Variants in EYA2 observed in about 807,000 individuals in gnomAD.
EYA2 encodes EYA transcriptional coactivator and phosphatase 2.
In EYA2, 31 loss-of-function variants were observed where a neutral mutation model predicts 69.2. That is an observed-to-expected ratio of 0.45 (90% CI 0.34 to 0.60). The LOEUF (loss-of-function observed/expected upper bound fraction) is 0.60, where lower values mean the gene tolerates loss of function less well. EYA2 is among the 20% of genes least tolerant of loss of function. The pLI is 0.02. For missense variants in EYA2, 622 were observed against 701.2 expected, an observed-to-expected ratio of 0.89 and a Z score of 1.28; for synonymous variants, 257 against 279.4, an observed-to-expected ratio of 0.92 and a Z score of 0.80.
intron 10 of EYA2, among the ~76,000 whole-genome samples, chr20:47,160,325 G>A (rs1490408423): frequency 6.6e-6 from 1 of 152,222 alleles, no homozygotes; most frequent in Non-Finnish European, 1.5e-5. Flanking sequence ...TTCTCCTGCA[G>A]TAGCACAAAA....
chr20:47,145,856 A>G (rs1001302752), intron 10 of EYA2, among the ~76,000 whole-genome samples: 2 of 151,968 alleles, frequency 1.3e-5, no homozygotes, highest in Non-Finnish European at 2.9e-5. Context: ...AGCTGAGATC[A>G]AGCCACTGTA....
chr20:46,984,063 T>G (rs1393932408), intron 1 of EYA2, among the ~76,000 whole-genome samples: 1 of 152,224 alleles, frequency 6.6e-6, no homozygotes, highest in Non-Finnish European at 1.5e-5. Flanking sequence ...ATTTTTGTTT[T>G]CTTCAATATG....
intron 9 of EYA2, among the ~76,000 whole-genome samples, chr20:47,119,256 G>C (rs2146554801): frequency 6.6e-6 from 1 of 152,298 alleles, no homozygotes. Flanking sequence ...ATTGTATTTG[G>C]GGTTGACTTT....
At chr20:47,130,011 G>A (rs1010160625) in intron 9 of EYA2, among the ~76,000 whole-genome samples, 9 of 147,052 alleles carry the variant, frequency 6.1e-5, no homozygotes, top group African/African-American at 2.3e-4. Context: ...TCACATGCAT[G>A]TCCCCCTCCA....
chr20:46,989,908 T>C (rs1981540642), intron 1 of EYA2, 93 bp from the exon 2 acceptor site: 3 of 649,400 alleles, frequency 4.6e-6, no homozygotes, highest in African/African-American at 3.5e-5. Flanking sequence ...GGTAATCAGT[T>C]GTAATATTTA....
chr20:47,156,121 CACACACATATATATATATAT>C (rs2033932356), intron 10 of EYA2, among the ~76,000 whole-genome samples: 1 of 24,398 alleles, frequency 4.1e-5, no homozygotes, highest in African/African-American at 3.2e-4. Flanking sequence ...CACACACACA[CACACACATATATATATATAT>C]ATATATATAT....
intron 1 of EYA2, among the ~76,000 whole-genome samples, chr20:46,898,324 C>T (rs1983915221): frequency 6.8e-6 from 1 of 146,368 alleles, no homozygotes; most frequent in African/African-American, 2.5e-5. Flanking sequence ...AGTTGGTAGA[C>T]TGTGCTCAAA....
intron 10 of EYA2, among the ~76,000 whole-genome samples, chr20:47,168,702 G>T (rs1193785109): frequency 2.0e-5 from 3 of 152,192 alleles, no homozygotes; most frequent in Non-Finnish European, 2.9e-5. Flanking sequence ...CTAAGCAGAT[G>T]TAGGCAGGAG....
At chr20:47,010,100 G>A (rs1982964022) in intron 4 of EYA2, among the ~76,000 whole-genome samples, 1 of 152,146 alleles carries the variant, frequency 6.6e-6, no homozygotes, top group Non-Finnish European at 1.5e-5. Flanking sequence ...GCTGCAATCA[G>A]CATCTTTGTG....
chr20:46,973,535 T>A (rs963674045), intron 1 of EYA2, among the ~76,000 whole-genome samples: 2 of 152,104 alleles, frequency 1.3e-5, no homozygotes, highest in African/African-American at 4.8e-5. Context: ...TAATAGAAAA[T>A]CTCCATAGTT....
At chr20:46,896,415 A>G (rs201379491) in intron 1 of EYA2, among the ~76,000 whole-genome samples, 1 of 151,900 alleles carries the variant, frequency 6.6e-6, no homozygotes, top group Non-Finnish European at 1.5e-5. Flanking sequence ...AAAAAAAAAA[A>G]GAGGTACACA....
intron 9 of EYA2, among the ~76,000 whole-genome samples, chr20:47,133,706 C>T (rs1206828): frequency 0.021 from 3,210 of 152,242 alleles, 103 homozygotes; most frequent in African/African-American, 0.072. Context: ...GCACAATCTT[C>T]CGGGAGTCCT....
At chr20:47,117,835 G>T (rs532956194) in intron 9 of EYA2, among the ~76,000 whole-genome samples, 1 of 152,070 alleles carries the variant, frequency 6.6e-6, no homozygotes, top group Admixed American at 6.5e-5. Context: ...CATTTCTGCC[G>T]TTCATACAGC....
At chr20:47,088,341 G>A (rs979647932) in intron 7 of EYA2, among the ~76,000 whole-genome samples, 1 of 152,254 alleles carries the variant, frequency 6.6e-6, no homozygotes, top group Admixed American at 6.5e-5. Flanking sequence ...GGGGCAGAGA[G>A]AGGGGAATCT....
At chr20:46,968,296 T>C (rs1334212124) in intron 1 of EYA2, among the ~76,000 whole-genome samples, 1 of 152,244 alleles carries the variant, frequency 6.6e-6, no homozygotes, top group African/African-American at 2.4e-5. Context: ...CACCTTTTAC[T>C]GTAACATGCA....
chr20:46,967,237 A>C (rs1342133654), intron 1 of EYA2, among the ~76,000 whole-genome samples: 1 of 152,214 alleles, frequency 6.6e-6, no homozygotes, highest in Non-Finnish European at 1.5e-5. Context: ...GCTGACCTCA[A>C]GTGATCCGCC....
chr20:47,037,558 G>A (rs1188968205), intron 5 of EYA2, among the ~76,000 whole-genome samples: 1 of 152,092 alleles, frequency 6.6e-6, no homozygotes, highest in Non-Finnish European at 1.5e-5. Flanking sequence ...AGTCTTACTG[G>A]GCTAAAATCA....
intron 1 of EYA2, among the ~76,000 whole-genome samples, chr20:46,981,269 A>G (rs1980817470): frequency 6.6e-6 from 1 of 152,176 alleles, no homozygotes; most frequent in Admixed American, 6.5e-5. Context: ...GAGAACCATG[A>G]CTAGAATTTT....
At position 47,121,103 on chromosome 20, in the gene EYA2, G is replaced by T. The variant is rs557055070; in HGVS notation, c.889-21956G>T. Among the ~76,000 whole-genome samples, 59 of 151,336 alleles carry T rather than the reference G, an allele frequency of 3.9e-4. 1 individual carries two copies. In the East Asian group the frequency reaches 5.4e-3, roughly 14 times the overall value. On this transcript the variant is annotated intron_variant, in intron 9 of 15. Transcript: ENST00000327619. ...GTTGTTGTTGTTGTTGTTGTTGTTG[G>T]GTTTTCTTTGAGACAGAGTCTTTCT...
Sources: allele counts gnomAD v4.1 joint callset (sites outside exome capture counted in the v4.1 genomes callset), GRCh38; gene constraint gnomAD v4.1.1; transcripts MANE v1.5; gene names NCBI Gene and HGNC (gene_info 2026-07-23, HGNC 2026-07-21).